LNPK: variants seen among roughly 807,000 people sequenced by gnomAD.
The protein encoded by LNPK is lunapark, ER junction formation factor.
Under a neutral mutation model 55.2 loss-of-function variants are expected in LNPK, and 29 were observed. The ratio of observed to expected loss-of-function variants is 0.53; its 90% CI spans 0.39 to 0.72. LNPK has a LOEUF of 0.72. Ranked by LOEUF, LNPK falls within the 30% of genes least tolerant of loss-of-function variation. LNPK has a pLI of 0.00. For missense variants in LNPK, 467 were observed against 494.8 expected, an observed-to-expected ratio of 0.94 and a Z score of 0.53; for synonymous variants, 162 against 168.2, an observed-to-expected ratio of 0.96 and a Z score of 0.29.
At chr2:175,964,186 T>G (rs1012788329) in intron 8 of LNPK, among the ~76,000 whole-genome samples, 186 bp downstream of exon 8, 2 of 152,116 alleles carry the variant, frequency 1.3e-5, no homozygotes, top group Admixed American at 6.6e-5. Flanking sequence ...CTTAACATAT[T>G]CCCATAAAAT....
At chr2:175,981,615 A>G (rs1177055808) in intron 4 of LNPK, among the ~76,000 whole-genome samples, 1 of 152,258 alleles carries the variant, frequency 6.6e-6, no homozygotes, top group East Asian at 1.9e-4. Flanking sequence ...TCAAGAAAAA[A>G]GCAAAAGGAA....
intron 9 of LNPK, among the ~76,000 whole-genome samples, chr2:175,943,241 A>G (rs189388338): frequency 7.4e-5 from 11 of 149,404 alleles, no homozygotes; most frequent in Non-Finnish European, 1.0e-4. Flanking sequence ...TTTTTCTCTC[A>G]GAAGAAAAAA....
chr2:175,941,558 C>T (rs1009983753), intron 9 of LNPK, among the ~76,000 whole-genome samples: 4 of 150,940 alleles, frequency 2.7e-5, no homozygotes, highest in African/African-American at 4.9e-5. Context: ...TTTAGGAGGC[C>T]GAGGTGGGCA....
intron 9 of LNPK, among the ~76,000 whole-genome samples, chr2:175,947,173 G>A (rs1487065544): frequency 6.6e-6 from 1 of 152,090 alleles, no homozygotes; most frequent in Non-Finnish European, 1.5e-5. Flanking sequence ...TATAAATCTG[G>A]AGGCATTCTA....
At chr2:175,947,814 A>G in intron 8 of LNPK, 122 bp from the exon 9 acceptor site, 1 of 560,446 alleles carries the variant, frequency 1.8e-6, no homozygotes, top group Non-Finnish European at 3.1e-6. Flanking sequence ...AAAATTACTT[A>G]TAATAATAAA....
intron 8 of LNPK, among the ~76,000 whole-genome samples, chr2:175,950,523 A>G (rs1685345586): frequency 1.3e-5 from 2 of 152,154 alleles, no homozygotes; most frequent in Admixed American, 6.6e-5. Context: ...GTACAATTAT[A>G]TATCAATTAA....
Position 175,939,570 on chromosome 2 carries a change from C to T in LNPK, c.794G>A (p.Gly265Asp). 1 of 1,590,262 alleles carries T rather than the reference C, an allele frequency of 6.3e-7. No individual in the cohort carries two copies. The highest frequency in any genetic ancestry group is 8.6e-7 in the Non-Finnish European group (1 of 1,160,104). Residue 265 changes from glycine (G) to aspartate (D), a missense_variant, in exon 10 of 13, where the codon GGT (glycine) becomes GAT (aspartate). Transcript: ENST00000272748. Reference sequence around the variant, plus strand: ...ATATTACCTGTTTTGTGGACCATCACCAACCAAATATTCAACAATTCTATC... The same window carrying T: ...ATATTACCTGTTTTGTGGACCATCATCAACCAAATATTCAACAATTCTATC... Reference protein sequence around the residue: ...ALDRIVEYLVGDGPQNRYALI... With the variant: ...ALDRIVEYLVDDGPQNRYALI...
intron 12 of LNPK, among the ~76,000 whole-genome samples, chr2:175,933,881 G>A (rs762776943): frequency 2.0e-5 from 3 of 151,958 alleles, no homozygotes; most frequent in Non-Finnish European, 2.9e-5. Context: ...ACAGGTGCAC[G>A]CCACCACACC....
chr2:175,928,410 T>G lies in LNPK; in HGVS notation c.*1557A>C, dbSNP rs1684104347. The G allele has an allele frequency of 6.6e-6, 1 of 151,466 alleles. No individual in the cohort carries two copies. The highest frequency in any genetic ancestry group is 1.5e-5 in the Non-Finnish European group (1 of 67,928). 9.4% of individuals were successfully genotyped at this position (151,466 alleles called of 1,614,324 possible). On this transcript the variant is annotated 3_prime_UTR_variant, in exon 13 of 13. Coordinates refer to ENST00000272748, the MANE Select transcript of LNPK (RefSeq NM_030650.3). The stretch of plus-strand genomic sequence containing the variant: ...TAATCTCAGTGAGTTTATAGGTGAC[T>G]TGCCCAAGACTACAGACCTGAAATT...
intron 9 of LNPK, among the ~76,000 whole-genome samples, chr2:175,946,977 A>C (rs904023257): frequency 6.6e-6 from 1 of 152,124 alleles, no homozygotes; most frequent in African/African-American, 2.4e-5. Flanking sequence ...GCTTTATAAA[A>C]TATCTATCAG....
Position 175,929,406 on chromosome 2 carries a change from A to G in LNPK, c.*561T>C. 1 of 985,716 alleles carries G rather than the reference A, an allele frequency of 1.0e-6. No individual in the cohort carries two copies. The highest frequency in any genetic ancestry group is 1.2e-6 in the Non-Finnish European group (1 of 829,830). The allele number at this position is 985,716 out of a possible 1,614,324, so 61.1% of individuals were successfully genotyped here. A position where few individuals can be genotyped will look rare whatever the true frequency, so the allele number is the denominator to read the frequency against. ...TGCCAACGTAGTTACAGTTCTACTTAACTGTTCCACTGCATTCTTATTGAG... is the reference window on the plus strand; with the variant it reads ...TGCCAACGTAGTTACAGTTCTACTTGACTGTTCCACTGCATTCTTATTGAG... On this transcript the variant is annotated 3_prime_UTR_variant, in exon 13 of 13. Coordinates refer to ENST00000272748, the MANE Select transcript of LNPK (RefSeq NM_030650.3).
intron 4 of LNPK, among the ~76,000 whole-genome samples, chr2:175,991,049 C>G (rs912903760): frequency 1.3e-5 from 2 of 151,992 alleles, no homozygotes; most frequent in Non-Finnish European, 1.5e-5. Flanking sequence ...AATAGCAAAC[C>G]TAGATCATAG....
chr2:175,964,490 G>A lies in LNPK; in HGVS notation c.441+16C>T, dbSNP rs756582568. On this transcript the variant is annotated intron_variant, in intron 7 of 12. Transcript: ENST00000272748. ...GTGTAATTTATAATAAAATAGTAGTGATATCACAGTCTTACCTTTGCTTTC... is the reference window on the plus strand; with the variant it reads ...GTGTAATTTATAATAAAATAGTAGTAATATCACAGTCTTACCTTTGCTTTC... 6 of 1,583,482 alleles carry A rather than the reference G, an allele frequency of 3.8e-6. No individual in the cohort carries two copies. The South Asian group carries it at 6.6e-5, about 18-fold the overall frequency.
chr2:175,992,082 TA>T, intron 4 of LNPK, 148 bp downstream of exon 4: 2 of 538,020 alleles, frequency 3.7e-6, no homozygotes. Context: ...ATTGTTCTAC[TA>T]AAAAAATCTT....
At chr2:175,960,066 T>A (rs1277892585) in intron 8 of LNPK, among the ~76,000 whole-genome samples, 1 of 152,076 alleles carries the variant, frequency 6.6e-6, no homozygotes, top group African/African-American at 2.4e-5. Context: ...ATAAGGTAAG[T>A]CCTTAGCAAC....
chr2:175,927,195 A>G lies in LNPK; in HGVS notation c.*2772T>C, dbSNP rs1011297789. 4 of 152,246 alleles carry G rather than the reference A, an allele frequency of 2.6e-5. No individual in the cohort carries two copies. Among genetic ancestry groups the G allele is most frequent in the Non-Finnish European group, 5.9e-5 (4 of 68,050 alleles). The allele number at this position is 152,246 out of a possible 1,614,324, so 9.4% of individuals were successfully genotyped here. On this transcript the variant is annotated 3_prime_UTR_variant, in exon 13 of 13. Transcript: ENST00000272748. ...AAAAAAGTATCTCAGAGAATATTCAATGTCAATACTGCCAAGCAGTGAAAC... is the reference window on the plus strand; with the variant it reads ...AAAAAAGTATCTCAGAGAATATTCAGTGTCAATACTGCCAAGCAGTGAAAC...
chr2:175,941,608 T>C (rs1039682685), intron 9 of LNPK, among the ~76,000 whole-genome samples: 6 of 151,394 alleles, frequency 4.0e-5, no homozygotes, highest in Non-Finnish European at 7.4e-5. Context: ...CTGGCCAACA[T>C]GGTGAAACCC....
chr2:175,948,755 T>C (rs1685265649), intron 8 of LNPK, among the ~76,000 whole-genome samples: 1 of 152,178 alleles, frequency 6.6e-6, no homozygotes, highest in African/African-American at 2.4e-5. Flanking sequence ...TTGGACTTTA[T>C]TTGACAGTTA....
chr2:175,977,679 C>A (rs149584125), intron 5 of LNPK, among the ~76,000 whole-genome samples: 4 of 151,958 alleles, frequency 2.6e-5, no homozygotes, highest in Admixed American at 1.3e-4. Context: ...TGAGCCACTG[C>A]AGTAAAAAAT....
Sources: gnomAD v4.1 joint callset for allele counts (sites outside exome capture counted in the v4.1 genomes callset) on GRCh38, gnomAD v4.1.1 for gene constraint, MANE v1.5 for transcripts, NCBI Gene and HGNC (gene_info 2026-07-23, HGNC 2026-07-21) for gene names.